The following TRPM2 variants were observed in gnomAD, a reference collection of about 807,000 sequenced individuals.
The protein encoded by TRPM2 is estrogen-responsive element-associated gene 1 protein.
A neutral mutation model predicts 174.0 loss-of-function variants in TRPM2; 161 were observed. The observed-to-expected ratio is 0.93, with a 90% CI of 0.81 to 1.05. The LOEUF (loss-of-function observed/expected upper bound fraction) is 1.05. Among genes scored for constraint, TRPM2 ranks in the 50% least tolerant of loss-of-function variants. The pLI is 0.00. For synonymous variants in TRPM2, 954 were observed against 861.3 expected (o/e 1.11, Z -1.88); for missense variants, 2,057 against 2,038.0 (o/e 1.01, Z -0.18).
Position 44,366,277 on chromosome 21 carries a change from C to T in TRPM2, c.424-477C>T, listed in dbSNP as rs1602137204. The stretch of plus-strand genomic sequence containing the variant: ...AGGGCAGAGGGGACAGGAGAGGGGA[C>T]AGGAGAGGGGACAGGAGAGGGGACA... On this transcript the variant is annotated intron_variant, in intron 3 of 31. Transcript: ENST00000397928. This position sits in a 1 kb window ranked among gnomAD's most constrained non-coding sequence, Gnocchi z 6.0. Among the ~76,000 whole-genome samples the T allele has an allele frequency of 7.8e-6, 1 of 128,670 alleles. No homozygotes were observed. Among genetic ancestry groups the T allele is most frequent in the Non-Finnish European group, 1.6e-5 (1 of 63,500 alleles). The allele number at this position is 128,670 out of a possible 152,430, so 84.4% of individuals were successfully genotyped here. A position where few individuals can be genotyped will look rare whatever the true frequency, so the allele number is the denominator to read the frequency against.
chr21:44,407,666 C>A (rs564649733), intron 19 of TRPM2, among the ~76,000 whole-genome samples: 1 of 151,636 alleles, frequency 6.6e-6, no homozygotes, highest in South Asian at 2.1e-4. Flanking sequence ...CTTTTCTGGG[C>A]GTTTCATAGA....
At position 44,399,361 on chromosome 21, in the gene TRPM2, G is replaced by C. The variant is rs773408790; in HGVS notation, c.2128G>C (p.Glu710Gln). ...RAQKLLTRVS[E>Q]AWGKTTCLQL... ...CCAGAAACTGCTCACCCGCGTGTCC[G>C]AGGCCTGGGGGAAGACCACCTGCCT... Residue 710 changes from glutamate (E) to glutamine (Q), a missense_variant, in exon 14 of 32, where the codon GAG (glutamate) becomes CAG (glutamine). By Grantham distance (29) the Glu-to-Gln change is conservative. Transcript: ENST00000397928. The surrounding 1 kb of genome is among the most constrained non-coding windows in gnomAD (Gnocchi z 4.6). 1 of 1,612,794 alleles carries C rather than the reference G, an allele frequency of 6.2e-7. No homozygotes were observed. Among genetic ancestry groups the C allele is most frequent in the Non-Finnish European group, 8.5e-7 (1 of 1,179,902 alleles).
chr21:44,378,088 G>A (rs1458261457), intron 7 of TRPM2, among the ~76,000 whole-genome samples: 1 of 152,222 alleles, frequency 6.6e-6, no homozygotes, highest in Non-Finnish European at 1.5e-5. Context: ...CTGCTGGGGA[G>A]GCTGGGGGGT....
At chr21:44,420,891 C>T (rs1410340793) in intron 22 of TRPM2, among the ~76,000 whole-genome samples, 1 of 152,200 alleles carries the variant, frequency 6.6e-6, no homozygotes, top group Non-Finnish European at 1.5e-5. Context: ...TCCACTTTTA[C>T]CCATGAGGAA....
At position 44,439,182 on chromosome 21, in the gene TRPM2, G is replaced by A. The variant is rs746380653; in HGVS notation, c.4269+14G>A. On this transcript the variant is annotated intron_variant, in intron 30 of 31. Coordinates refer to ENST00000397928, the MANE Select transcript of TRPM2 (RefSeq NM_003307.4). This position sits in a 1 kb window ranked among gnomAD's most constrained non-coding sequence, Gnocchi z 5.1. ...TGCGGCATGGAGGTATTCCTGGCCT[G>A]TTTGCTCTGTTCCACCTGTGTGTCC... 1 of 1,608,782 alleles carries A rather than the reference G, an allele frequency of 6.2e-7. No homozygotes were observed. Among genetic ancestry groups the A allele is most frequent in the East Asian group, 2.2e-5 (1 of 44,806 alleles).
intron 2 of TRPM2, among the ~76,000 whole-genome samples, chr21:44,362,227 G>A (rs971981879): frequency 1.3e-5 from 2 of 151,832 alleles, no homozygotes; most frequent in Admixed American, 6.6e-5. Flanking sequence ...AATGAGGGCC[G>A]GGCATGGTGG....
At chr21:44,370,219 G>A (rs2048491108) in intron 5 of TRPM2, among the ~76,000 whole-genome samples, 1 of 152,126 alleles carries the variant, frequency 6.6e-6, no homozygotes, top group African/African-American at 2.4e-5. Context: ...AGGCAGCTGG[G>A]TGGGGCTGAG....
At chr21:44,387,938 T>C (rs28752243) in intron 9 of TRPM2, among the ~76,000 whole-genome samples, 36,709 of 152,078 alleles carry the variant, frequency 0.24, 4,737 homozygotes, top group African/African-American at 0.34. Context: ...TTGTGCACTG[T>C]TGGTGGATAT....
Position 44,424,842 on chromosome 21 carries a change from TGCCTTCCAGGTGGCCCAGACA to T in TRPM2, c.3550-6_3564del. ...CAGGTGCTCACTGTGTCTCGGGCCA[TGCCTTCCAGGTGGCCCAGACA>T]GCCCAAGCCCTGCACTGGATCGTGA... On this transcript the variant is annotated splice_acceptor_variant and splice_polypyrimidine_tract_variant and coding_sequence_variant and intron_variant, in exon 24 of 32. Transcript: ENST00000397928. LOFTEE classifies it high-confidence loss of function. 1 of 1,580,586 alleles carries T rather than the reference TGCCTTCCAGGTGGCCCAGACA, an allele frequency of 6.3e-7. No individual in the cohort carries two copies. Among genetic ancestry groups the T allele is most frequent in the Non-Finnish European group, 8.6e-7 (1 of 1,162,796 alleles).
At chr21:44,370,544 T>C (rs1336976236) in intron 5 of TRPM2, among the ~76,000 whole-genome samples, 1 of 152,192 alleles carries the variant, frequency 6.6e-6, no homozygotes, top group African/African-American at 2.4e-5. Flanking sequence ...CAGGGAACAC[T>C]GGCCTGTGAC....
chr21:44,391,384 C>A lies in TRPM2; in HGVS notation c.1553C>A (p.Thr518Asn). ...VQLKEFVTWD[T>N]LLYLYENLDP... ...CTGAAGGAGTTTGTCACCTGGGACACCTTGCTCTACCTGTACGAGAACCTG... is the reference window on the plus strand; with the variant it reads ...CTGAAGGAGTTTGTCACCTGGGACAACTTGCTCTACCTGTACGAGAACCTG... The change falls in exon 11 of 32, where the codon ACC (threonine) becomes AAC (asparagine). Residue 518 changes from threonine (T) to asparagine (N), a missense_variant. Transcript: ENST00000397928. This position sits in a 1 kb window ranked among gnomAD's most constrained non-coding sequence, Gnocchi z 5.0. The A allele has an allele frequency of 6.2e-7, 1 of 1,614,184 alleles. No individual in the cohort carries two copies. Among genetic ancestry groups the A allele is most frequent in the South Asian group, 1.1e-5 (1 of 91,088 alleles).
chr21:44,360,445 G>A (rs970260815), intron 2 of TRPM2, among the ~76,000 whole-genome samples: 4 of 152,168 alleles, frequency 2.6e-5, no homozygotes, highest in Non-Finnish European at 5.9e-5. Flanking sequence ...CAGATGTACA[G>A]AAGTTCCAAA....
In TRPM2 at chr21:44,398,206, G is replaced by GTTTTTTTTTTTTTTTTTTTTT. The variant is rs34051764; in HGVS notation, c.2062+342_2062+343insTTTTTTTTTTTTTTTTTTTTT. On this transcript the variant is annotated intron_variant, in intron 13 of 31. Coordinates refer to ENST00000397928, the MANE Select transcript of TRPM2 (RefSeq NM_003307.4). ...CAGTCTCCCTGAAAATTTGGAGACT[G>GTTTTTTTTTTTTTTTTTTTTT]TTTTTTTTTTTTGAGATGGAGTGTC... 6.9e-5 allele frequency among the ~76,000 whole-genome samples: 10 copies of GTTTTTTTTTTTTTTTTTTTTT among 144,778 alleles called. 1 individual carries two copies. The highest frequency in any genetic ancestry group is 2.7e-4 in the African/African-American group (10 of 37,588). The allele number at this position is 144,778 out of a possible 152,430, so 95.0% of individuals were successfully genotyped here. A position where few individuals can be genotyped will look rare whatever the true frequency, so the allele number is the denominator to read the frequency against.
intron 2 of TRPM2, among the ~76,000 whole-genome samples, chr21:44,359,714 C>T (rs1003832759): frequency 2.0e-5 from 3 of 150,148 alleles, no homozygotes; most frequent in Non-Finnish European, 2.9e-5. Context: ...TTTCCTGTCT[C>T]ATCTGTGTAT....
In TRPM2 at chr21:44,439,835, C is replaced by T. The variant is rs1305099998; in HGVS notation, c.4269+667C>T. On this transcript the variant is annotated intron_variant, in intron 30 of 31. Coordinates refer to ENST00000397928, the MANE Select transcript of TRPM2 (RefSeq NM_003307.4). The surrounding 1 kb of genome is among the most constrained non-coding windows in gnomAD (Gnocchi z 5.1). ...CTCCCGGGCTCAAGCAATGCTCTTG[C>T]CTTGGCCTCCCAGGCAGCAGGGGCT... is the stretch of plus-strand genomic sequence containing the variant. 6.6e-6 allele frequency among the ~76,000 whole-genome samples: 1 copy of T among 152,164 alleles called. No homozygotes were observed. The highest frequency in any genetic ancestry group is 1.5e-5 in the Non-Finnish European group (1 of 68,024).
intron 2 of TRPM2, among the ~76,000 whole-genome samples, chr21:44,357,843 C>T (rs1486019134): frequency 6.6e-6 from 1 of 152,188 alleles, no homozygotes; most frequent in African/African-American, 2.4e-5. Context: ...ATCTGCTGCA[C>T]CGAGTCTGTC....
intron 20 of TRPM2, among the ~76,000 whole-genome samples, chr21:44,417,637 CTG>C: frequency 7.8e-6 from 1 of 128,860 alleles, no homozygotes; most frequent in East Asian, 2.4e-4. Context: ...GCTCTGCTCT[CTG>C]GCATCACAGT....
rs919833180 is a variant in TRPM2 at position 44,399,273 on chromosome 21, G to A, written c.2063-23G>A. On this transcript the variant is annotated intron_variant, in intron 13 of 31. Coordinates refer to ENST00000397928, the MANE Select transcript of TRPM2 (RefSeq NM_003307.4). This position sits in a 1 kb window ranked among gnomAD's most constrained non-coding sequence, Gnocchi z 4.6. Reference sequence around the variant, plus strand: ...AGTGATTGTGACCTGCTGCTCTGACGGGGCTCTCATATCTCCGCCCAGGGG... The same window carrying A: ...AGTGATTGTGACCTGCTGCTCTGACAGGGCTCTCATATCTCCGCCCAGGGG... 10 of 1,603,162 alleles carry A rather than the reference G, an allele frequency of 6.2e-6. No individual in the cohort carries two copies. The highest frequency in any genetic ancestry group is 2.2e-5 in the South Asian group (2 of 90,020).
chr21:44,388,268 C>T (rs2049069714), intron 9 of TRPM2, among the ~76,000 whole-genome samples: 1 of 152,108 alleles, frequency 6.6e-6, no homozygotes, highest in Non-Finnish European at 1.5e-5. Context: ...ATGGTTGAAC[C>T]CTTAAGACAT....
Sources: allele counts gnomAD v4.1 joint callset (sites outside exome capture counted in the v4.1 genomes callset), GRCh38; gene constraint gnomAD v4.1.1; non-coding constraint Gnocchi (gnomAD v3.1); transcripts MANE v1.5; gene names NCBI Gene and HGNC (gene_info 2026-07-23, HGNC 2026-07-21).